Variants in CALN1 observed in about 807,000 individuals in gnomAD.
CALN1 encodes calneuron 1.
Under a neutral mutation model 30.6 loss-of-function variants are expected in CALN1, and 17 were observed. That is an observed-to-expected ratio of 0.56 (90% CI 0.38 to 0.83). CALN1 has a LOEUF of 0.83. Among genes scored for constraint, CALN1 ranks in the 40% least tolerant of loss-of-function variants. The pLI is 0.00. For synonymous variants in CALN1, 156 were observed against 131.4 expected (o/e 1.19, Z -1.28); for missense variants, 291 against 354.9 (o/e 0.82, Z 1.45).
the CALN1 span, among the ~76,000 whole-genome samples, chr7:72,488,857 T>C: frequency 1.7e-4 from 26 of 152,206 alleles, no homozygotes; most frequent in East Asian, 5.0e-3. Context: ...GTAATCTTTT[T>C]ATTTTTTGTA....
chr7:71,809,350 C>G (rs1031542297), intron 6 of CALN1, among the ~76,000 whole-genome samples: 1 of 150,926 alleles, frequency 6.6e-6, no homozygotes, highest in African/African-American at 2.4e-5. Flanking sequence ...TAGCCTCCCC[C>G]CATAGCACTC....
At chr7:71,920,393 T>C (rs997890836) in intron 5 of CALN1, among the ~76,000 whole-genome samples, 5 of 144,512 alleles carry the variant, frequency 3.5e-5, no homozygotes, top group South Asian at 4.4e-4. Context: ...TGGAGTGTAG[T>C]GGTGCGATCT....
intron 2 of CALN1, among the ~76,000 whole-genome samples, chr7:72,347,428 G>T (rs562046370): frequency 6.6e-6 from 1 of 151,694 alleles, no homozygotes; most frequent in African/African-American, 2.4e-5. Flanking sequence ...CATCATGCCT[G>T]GCTAATTTTG....
chr7:72,180,703 G>C (rs995747871), intron 3 of CALN1, among the ~76,000 whole-genome samples: 5 of 149,864 alleles, frequency 3.3e-5, no homozygotes, highest in African/African-American at 1.2e-4. Flanking sequence ...AAACTCCCAG[G>C]CTCAAGTGAT....
intron 4 of CALN1, among the ~76,000 whole-genome samples, chr7:72,066,928 C>T (rs1045496585): frequency 2.0e-5 from 3 of 151,832 alleles, no homozygotes; most frequent in Non-Finnish European, 2.9e-5. Context: ...ATTACAGGCA[C>T]GTGCCACCAT....
chr7:71,977,951 A>T lies in CALN1; in HGVS notation c.501+45706T>A, dbSNP rs531896467. On this transcript the variant is annotated intron_variant, in intron 5 of 6. Coordinates refer to ENST00000395275, the MANE Select transcript of CALN1 (RefSeq NM_031468.4). The stretch of plus-strand genomic sequence containing the variant: ...TGTCTTTAAAAAAAAAAAAAAAAAA[A>T]GCAATGCAAAGAAAACCAAAATCAT... 2.9e-4 allele frequency among the ~76,000 whole-genome samples: 42 copies of T among 144,558 alleles called. No homozygotes were observed. In the East Asian group the frequency reaches 5.3e-3, roughly 18 times the overall value. The allele number at this position is 144,558 out of a possible 152,430, so 94.8% of individuals were successfully genotyped here.
chr7:72,011,601 C>G (rs1442913342), intron 5 of CALN1, among the ~76,000 whole-genome samples: 1 of 152,218 alleles, frequency 6.6e-6, no homozygotes, highest in African/African-American at 2.4e-5. Context: ...CCTTTCTCTG[C>G]TTCCTCTGAA....
intron 3 of CALN1, among the ~76,000 whole-genome samples, chr7:72,243,504 C>T (rs1794975801): frequency 6.6e-6 from 1 of 152,082 alleles, no homozygotes; most frequent in Non-Finnish European, 1.5e-5. Flanking sequence ...CCTAGCAAAC[C>T]TTAGCTGCAT....
intron 4 of CALN1, among the ~76,000 whole-genome samples, chr7:72,027,755 AC>A (rs1801167611): frequency 2.7e-5 from 4 of 147,532 alleles, no homozygotes; most frequent in Non-Finnish European, 6.0e-5. Flanking sequence ...ACACACACAC[AC>A]ACAAAAACAC....
At chr7:72,210,522 T>C (rs924421385) in intron 3 of CALN1, among the ~76,000 whole-genome samples, 2 of 151,966 alleles carry the variant, frequency 1.3e-5, no homozygotes, top group Admixed American at 6.6e-5. Flanking sequence ...CGGTTCAGCA[T>C]GGCTGGGGAG....
the CALN1 span, among the ~76,000 whole-genome samples, chr7:72,471,286 G>A: frequency 6.6e-6 from 1 of 152,160 alleles, no homozygotes; most frequent in Non-Finnish European, 1.5e-5. Flanking sequence ...AGATGCTCAA[G>A]GATACCCCTA....
At chr7:72,403,614 TTAA>T (rs1806500808) in intron 1 of CALN1, among the ~76,000 whole-genome samples, 172 bp from the exon 2 acceptor site, 1 of 152,224 alleles carries the variant, frequency 6.6e-6, no homozygotes, top group African/African-American at 2.4e-5. Flanking sequence ...TGTTTAGTTA[TTAA>T]TAAGGCCTCA....
chr7:72,161,997 C>T (rs1298699131), intron 3 of CALN1, among the ~76,000 whole-genome samples: 1 of 150,338 alleles, frequency 6.7e-6, no homozygotes, highest in Non-Finnish European at 1.5e-5. Flanking sequence ...TGATATAATA[C>T]TTTATATATA....
At chr7:72,127,377 G>A (rs1192396389) in intron 3 of CALN1, among the ~76,000 whole-genome samples, 1 of 152,088 alleles carries the variant, frequency 6.6e-6, no homozygotes, top group Non-Finnish European at 1.5e-5. Flanking sequence ...GGGTGGGAAG[G>A]CAGATTATGC....
chr7:72,268,035 T>G (rs1763957937), intron 3 of CALN1, among the ~76,000 whole-genome samples: 1 of 152,086 alleles, frequency 6.6e-6, no homozygotes, highest in African/African-American at 2.4e-5. Flanking sequence ...TAAATAAAAA[T>G]TAATAGTATA....
intron 2 of CALN1, among the ~76,000 whole-genome samples, chr7:72,282,081 G>C (rs991755934): frequency 1.3e-5 from 2 of 152,180 alleles, no homozygotes; most frequent in African/African-American, 4.8e-5. Context: ...TCAAGAAAGG[G>C]AAGAACATTA....
In CALN1 at chr7:72,205,551, A is replaced by AAATATATACATACATATATATATATATAT; in HGVS notation, c.244+73134_244+73135insATATATATATATATATGTATGTATATATT. Among the ~76,000 whole-genome samples the AAATATATACATACATATATATATATATAT allele has an allele frequency of 2.2e-4, 18 of 83,042 alleles. 2 individuals carry two copies. The highest frequency in any genetic ancestry group is 1.3e-3 in the African/African-American group (18 of 13,442). The allele number at this position is 83,042 out of a possible 152,430, so 54.5% of individuals were successfully genotyped here. A position where few individuals can be genotyped will look rare whatever the true frequency, so the allele number is the denominator to read the frequency against. On this transcript the variant is annotated intron_variant, in intron 3 of 6. Coordinates refer to ENST00000395275, the MANE Select transcript of CALN1 (RefSeq NM_031468.4). ...ATTTTTCTCCTGATTGCAAAAAAAA[A>AAATATATACATACATATATATATATATAT]ATATATATATATATATGTATATATA...
chr7:72,140,288 GAGAGA>G (rs1213092989), intron 3 of CALN1, among the ~76,000 whole-genome samples: 1 of 140,304 alleles, frequency 7.1e-6, no homozygotes, highest in Non-Finnish European at 1.5e-5. Flanking sequence ...GAGAGAGAGA[GAGAGA>G]GAGAGAGAGA....
At chr7:71,798,311 A>T (rs896851983) in intron 6 of CALN1, among the ~76,000 whole-genome samples, 6 of 73,730 alleles carry the variant, frequency 8.1e-5, no homozygotes, top group Admixed American at 2.5e-4. Flanking sequence ...ACTATATTTT[A>T]TTTATTTATT....
Sources: allele counts gnomAD v4.1 joint callset (sites outside exome capture counted in the v4.1 genomes callset), GRCh38; gene constraint gnomAD v4.1.1; transcripts MANE v1.5; gene names NCBI Gene and HGNC (gene_info 2026-07-23, HGNC 2026-07-21).